Variants in FAT4 observed in about 807,000 individuals in gnomAD.
FAT4 encodes the protein FAT atypical cadherin 4, also known as protocadherin Fat 4.
A neutral mutation model predicts 303.9 loss-of-function variants in FAT4; 84 were observed. The ratio of observed to expected loss-of-function variants is 0.28; its 90% confidence interval spans 0.23 to 0.33. FAT4 has a LOEUF of 0.33. FAT4 is among the 10% of genes least tolerant of loss of function. The pLI is 1.00. For missense variants in FAT4, 6,005 were observed against 6,146.8 expected (o/e 0.98, Z 0.77); for synonymous variants, 2,307 against 2,298.8 (o/e 1.00, Z -0.10).
At chr4:125,481,382 T>G in intron 15 of FAT4, 139 bp from the exon 16 acceptor site, 1 of 665,316 alleles carries the variant, frequency 1.5e-6, no homozygotes. Flanking sequence ...GGAAATTATT[T>G]TTTAAGAGTA....
At chr4:125,377,747 C>A (rs1267091333) in intron 2 of FAT4, among the ~76,000 whole-genome samples, 1 of 151,920 alleles carries the variant, frequency 6.6e-6, no homozygotes, top group African/African-American at 2.4e-5. Context: ...GATTCAAAAA[C>A]CTTGGCAAAC....
rs1183858187 is a variant in FAT4, at chr4:125,451,988, C to T, written c.10978C>T (p.Leu3660Phe). ...HCSLTSGVTS[L>F]FSIPGGTCDL... ...CTCCCTTACTTCAGGAGTTACCAGCCTCTTCAGTATTCCAGGGGGTACTTG... is the reference window on the plus strand; with the variant it reads ...CTCCCTTACTTCAGGAGTTACCAGCTTCTTCAGTATTCCAGGGGGTACTTG... Residue 3660 changes from leucine (L) to phenylalanine (F), a missense_variant, in exon 10 of 18, where the codon CTC (leucine) becomes TTC (phenylalanine). Physicochemically the swap from Leu to Phe is conservative, Grantham distance 22. Transcript: ENST00000394329. 1.2e-6 allele frequency: 2 copies of T among 1,614,136 alleles called. No homozygotes were observed. Among genetic ancestry groups the T allele is most frequent in the Non-Finnish European group, 1.7e-6 (2 of 1,180,024 alleles).
Position 125,446,303 on chromosome 4 carries a change from A to C in FAT4, c.7210A>C (p.Ile2404Leu). The C allele has an allele frequency of 1.2e-6, 2 of 1,612,684 alleles. No individual in the cohort carries two copies. Among genetic ancestry groups the C allele is most frequent in the Non-Finnish European group, 1.7e-6 (2 of 1,178,932 alleles). Residue 2404 changes from isoleucine (I) to leucine (L), a missense_variant, in exon 9 of 18, where the codon ATC (isoleucine) becomes CTC (leucine). By Grantham distance (5) the Ile-to-Leu change is conservative. Transcript: ENST00000394329. Reference protein sequence around the residue: ...SKNAVISYRIIGGNSQFTINP... With the variant: ...SKNAVISYRILGGNSQFTINP... ...TGCTTTCTGCTTTAGTTATAGGATC[A>C]TCGGTGGAAACTCTCAGTTCACGAT...
chr4:125,462,605 G>A (rs1726519214), intron 10 of FAT4, among the ~76,000 whole-genome samples: 1 of 151,772 alleles, frequency 6.6e-6, no homozygotes, highest in Non-Finnish European at 1.5e-5. Flanking sequence ...AAAACAAGTG[G>A]GACTTATACT....
At chr4:125,393,414 T>C (rs925244) in intron 2 of FAT4, among the ~76,000 whole-genome samples, 150,807 of 152,206 alleles carry the variant, frequency 0.99, 74,721 homozygotes, top group South Asian at 1. Flanking sequence ...CAATTTAAAT[T>C]GGGGAAATAG....
rs768280436 is a variant in FAT4, at chr4:125,451,316, A to C, written c.10306A>C (p.Ile3436Leu). The stretch of plus-strand genomic sequence containing the variant: ...TGTCAGTGCCTTTGACTCAGACTCC[A>C]TCCCCAGCTGGAGCAGGTTTTCTTA... Reference protein sequence around the residue: ...TFVSAFDSDSIPSWSRFSYFI... With the variant: ...TFVSAFDSDSLPSWSRFSYFI... The change falls in exon 10 of 18, where the codon ATC becomes CTC. Residue 3436 changes from isoleucine (I) to leucine (L), a missense_variant. By Grantham distance (5) the Ile-to-Leu change is conservative (BLOSUM62 2). Coordinates refer to ENST00000394329, the MANE Select transcript of FAT4 (RefSeq NM_001291303.3). 6.2e-7 allele frequency: 1 copy of C among 1,614,048 alleles called. No homozygotes were observed. The highest frequency in any genetic ancestry group is 1.3e-5 in the African/African-American group (1 of 74,934).
At chr4:125,394,018 A>G in intron 2 of FAT4, 1 of 778,734 alleles carries the variant, frequency 1.3e-6, no homozygotes, top group East Asian at 2.4e-5. Context: ...AGTCAAGCAC[A>G]GATCTACCAA....
At chr4:125,325,466 ATAAAAAGAAAAGATTATGCATACTCAAAT>A (rs1028815330) in intron 2 of FAT4, among the ~76,000 whole-genome samples, 14 of 152,270 alleles carry the variant, frequency 9.2e-5, no homozygotes, top group Non-Finnish European at 2.1e-4. Flanking sequence ...TTTGTTCATG[ATAAAAAGAAAAGATTATGCATACTCAAAT>A]ATTTAAAAAG....
rs368521038 is a variant in FAT4 at position 125,446,295 on chromosome 4, A to G, written c.7202A>G (p.Tyr2401Cys). The change falls in exon 9 of 18, where the codon TAT (tyrosine) becomes TGT (cysteine). Residue 2401 changes from tyrosine to cysteine, a missense_variant and splice_region_variant. Coordinates refer to ENST00000394329, the MANE Select transcript of FAT4 (RefSeq NM_001291303.3). ...CCTATTTCTGCTTTCTGCTTTAGTT[A>G]TAGGATCATCGGTGGAAACTCTCAG... is the stretch of plus-strand genomic sequence containing the variant. ...ADASKNAVIS[Y>C]RIIGGNSQFT... 6.2e-7 allele frequency: 1 copy of G among 1,612,316 alleles called. No homozygotes were observed. Among genetic ancestry groups the G allele is most frequent in the Non-Finnish European group, 8.5e-7 (1 of 1,178,676 alleles).
chr4:125,420,927 T>TTTTG (rs747222350), intron 7 of FAT4, among the ~76,000 whole-genome samples: 13 of 152,130 alleles, frequency 8.5e-5, no homozygotes, highest in Admixed American at 1.3e-4. Flanking sequence ...TCTGAATAGT[T>TTTTG]TTTGTTTGTT....
chr4:125,415,447 G>C lies in FAT4; in HGVS notation c.6484G>C (p.Glu2162Gln), dbSNP rs771100438. Residue 2162 changes from glutamate to glutamine, a missense_variant, in exon 6 of 18, where the codon GAG becomes CAG. Physicochemically the swap from Glu to Gln is conservative, Grantham distance 29. Transcript: ENST00000394329. ...PIFAQALYKV[E>Q]INENTLTGTD... ...CTTTGCACAAGCTTTGTATAAAGTG[G>C]AGATTAATGAAAACACACTTACTGG... 6.2e-7 allele frequency: 1 copy of C among 1,613,960 alleles called. No individual in the cohort carries two copies. Among genetic ancestry groups the C allele is most frequent in the East Asian group, 2.2e-5 (1 of 44,866 alleles).
chr4:125,414,253 A>G (rs1476902175), intron 5 of FAT4, among the ~76,000 whole-genome samples: 1 of 152,138 alleles, frequency 6.6e-6, no homozygotes, highest in East Asian at 1.9e-4. Context: ...AGAAAAATCA[A>G]CAGTATCTAA....
intron 14 of FAT4, among the ~76,000 whole-genome samples, chr4:125,478,350 G>A (rs1456600397): frequency 1.3e-5 from 2 of 152,124 alleles, no homozygotes; most frequent in African/African-American, 4.8e-5. Context: ...ATACTTCGGT[G>A]TGCATCCTTT....
chr4:125,446,076 A>G, intron 8 of FAT4: 2 of 415,084 alleles, frequency 4.8e-6, no homozygotes, highest in Non-Finnish European at 8.7e-6. Context: ...GACTTCCTTG[A>G]CATCACTGGA....
At chr4:125,364,477 A>C (rs1260345182) in intron 2 of FAT4, among the ~76,000 whole-genome samples, 3 of 152,068 alleles carry the variant, frequency 2.0e-5, no homozygotes, top group Non-Finnish European at 4.4e-5. Context: ...AAGGAGAAAG[A>C]ATAGGGGACT....
At chr4:125,463,787 T>C in intron 11 of FAT4, 120 bp downstream of exon 11, 1 of 537,692 alleles carries the variant, frequency 1.9e-6, no homozygotes, top group Admixed American at 3.5e-5. Context: ...GAAGGTTTTA[T>C]TAAAATAAAA....
At chr4:125,354,835 C>T (rs1732367205) in intron 2 of FAT4, among the ~76,000 whole-genome samples, 3 of 151,068 alleles carry the variant, frequency 2.0e-5, no homozygotes, top group Admixed American at 2.0e-4. Flanking sequence ...GATCAGAGTC[C>T]TGGATCAAAC....
In FAT4 at chr4:125,434,486, T is replaced by C. The variant is rs564953196; in HGVS notation, c.7199+61T>C. On this transcript the variant is annotated intron_variant, in intron 8 of 17. Coordinates refer to ENST00000394329, the MANE Select transcript of FAT4 (RefSeq NM_001291303.3). The stretch of plus-strand genomic sequence containing the variant: ...TCTCATTAAACATTAGTTTTTGAAC[T>C]ACATGAATATAATGTTTAATTTAAA... 5.1e-5 allele frequency: 71 copies of C among 1,401,350 alleles called. No homozygotes were observed. The East Asian group carries it at 1.5e-3, about 29-fold the overall frequency. 86.8% of individuals were successfully genotyped at this position (1,401,350 alleles called of 1,614,324 possible). A position where few individuals can be genotyped will look rare whatever the true frequency, so the allele number is the denominator to read the frequency against.
intron 7 of FAT4, among the ~76,000 whole-genome samples, chr4:125,431,927 G>T (rs1296518928): frequency 6.6e-6 from 1 of 151,942 alleles, no homozygotes; most frequent in Non-Finnish European, 1.5e-5. Context: ...TCATAAAATT[G>T]TATATAGTGA....
Sources: gnomAD v4.1 joint callset for allele counts (sites outside exome capture counted in the v4.1 genomes callset) on GRCh38, gnomAD v4.1.1 for gene constraint, MANE v1.5 for transcripts, NCBI Gene and HGNC (gene_info 2026-07-23, HGNC 2026-07-21) for gene names.